The following IL34 variants were observed in gnomAD, a reference collection of about 807,000 sequenced individuals.
IL34 encodes the protein interleukin 34, also known as interleukin-34.
A neutral mutation model predicts 25.3 loss-of-function variants in IL34; 17 were observed. The observed-to-expected ratio is 0.67, with a 90% CI of 0.46 to 1.01. IL34 has a LOEUF of 1.01. Among genes scored for constraint, IL34 ranks in the 50% least tolerant of loss-of-function variants. The pLI is 0.00. For missense variants in IL34, 368 were observed against 312.9 expected, an observed-to-expected ratio of 1.18 and a Z score of -1.33; for synonymous variants, 174 against 140.9, an observed-to-expected ratio of 1.23 and a Z score of -1.66.
chr16:70,597,627 A>G (rs1191667328), intron 1 of IL34, among the ~76,000 whole-genome samples: 1 of 152,248 alleles, frequency 6.6e-6, no homozygotes, highest in African/African-American at 2.4e-5. Flanking sequence ...AAACATATGT[A>G]TCTCTTACAA....
intron 1 of IL34, among the ~76,000 whole-genome samples, chr16:70,614,600 T>A (rs1171633743): frequency 6.6e-6 from 1 of 152,250 alleles, no homozygotes; most frequent in African/African-American, 2.4e-5. Flanking sequence ...GTGCACACAC[T>A]TGCCTTTCAC....
intron 1 of IL34, among the ~76,000 whole-genome samples, chr16:70,628,439 C>G (rs149547498): frequency 1.5e-4 from 22 of 151,210 alleles, no homozygotes; most frequent in African/African-American, 4.1e-4. Flanking sequence ...TAAGTGGTCT[C>G]TTTTCTAACT....
chr16:70,625,826 G>C (rs576268414), intron 1 of IL34, among the ~76,000 whole-genome samples: 59 of 152,320 alleles, frequency 3.9e-4, no homozygotes, highest in African/African-American at 1.3e-3. Flanking sequence ...TTGAGGGATA[G>C]TGAGGGAGAT....
At chr16:70,621,070 A>G (rs879139861) in intron 1 of IL34, among the ~76,000 whole-genome samples, 1 of 152,082 alleles carries the variant, frequency 6.6e-6, no homozygotes, top group South Asian at 2.1e-4. Context: ...GAAATAAGCA[A>G]TTAGGGGGTT....
At chr16:70,643,621 G>A (rs910422224), upstream of IL34, among the ~76,000 whole-genome samples, 7 of 151,816 alleles carry the variant, frequency 4.6e-5, no homozygotes, top group South Asian at 4.2e-4. Flanking sequence ...GCGATCCCCC[G>A]GCCTTGGCCT....
At chr16:70,598,469 T>C (rs1296011404) in intron 1 of IL34, among the ~76,000 whole-genome samples, 1 of 152,124 alleles carries the variant, frequency 6.6e-6, no homozygotes, top group Admixed American at 6.6e-5. Flanking sequence ...CTGGGCGCAG[T>C]GGCTCACACC....
In IL34 at chr16:70,654,522, C is replaced by G. The variant is rs1228463397; in HGVS notation, c.29-16C>G. On this transcript the variant is annotated splice_polypyrimidine_tract_variant and intron_variant, in intron 1 of 5. Coordinates refer to ENST00000288098, the MANE Select transcript of IL34 (RefSeq NM_001393494.1). ...ATGGAGGGTGCTCATGTGCTCTTGT[C>G]GGGTGTGGTCCACAGATCTTGGGAT... 8 of 1,597,654 alleles carry G rather than the reference C, an allele frequency of 5.0e-6. No homozygotes were observed. Among genetic ancestry groups the G allele is most frequent in the South Asian group, 1.1e-5 (1 of 89,354 alleles).
intron 1 of IL34, among the ~76,000 whole-genome samples, chr16:70,587,895 G>A (rs184561439): frequency 2.6e-5 from 4 of 151,978 alleles, no homozygotes; most frequent in Admixed American, 1.3e-4. Flanking sequence ...AAAAATTAGC[G>A]GGCTGTGGTG....
intron 1 of IL34, among the ~76,000 whole-genome samples, chr16:70,636,192 C>A (rs551698055): frequency 1.8e-4 from 28 of 152,178 alleles, no homozygotes; most frequent in Non-Finnish European, 3.1e-4. Context: ...GTGTGTGCCA[C>A]CACGCCCAGC....
intron 1 of IL34, among the ~76,000 whole-genome samples, chr16:70,626,405 T>G (rs1215977189): frequency 6.6e-6 from 1 of 152,248 alleles, no homozygotes; most frequent in Non-Finnish European, 1.5e-5. Flanking sequence ...TTTTTGTTTT[T>G]GTTTTTTTGA....
At chr16:70,624,066 C>A (rs1291551485) in intron 1 of IL34, among the ~76,000 whole-genome samples, 1 of 152,076 alleles carries the variant, frequency 6.6e-6, no homozygotes, top group Non-Finnish European at 1.5e-5. Context: ...AGCCGCTAAG[C>A]CGAGAAGGAG....
At chr16:70,591,883 G>T (rs996889296) in intron 1 of IL34, among the ~76,000 whole-genome samples, 7 of 152,350 alleles carry the variant, frequency 4.6e-5, no homozygotes, top group Non-Finnish European at 5.9e-5. Flanking sequence ...CTGGGGCCAG[G>T]CTGGGGCCAA....
intron 1 of IL34, among the ~76,000 whole-genome samples, chr16:70,652,300 T>TA (rs951413465): frequency 8.8e-5 from 13 of 147,814 alleles, no homozygotes; most frequent in Admixed American, 1.4e-4. Flanking sequence ...TACAAAAAAT[T>TA]AAAAAAAAAA....
chr16:70,613,368 G>A (rs562204194), intron 1 of IL34, among the ~76,000 whole-genome samples: 7 of 152,288 alleles, frequency 4.6e-5, no homozygotes, highest in South Asian at 4.1e-4. Context: ...GGGTTGGAGC[G>A]GGGCGGTTTC....
At chr16:70,651,047 A>G (rs1458438987) in intron 1 of IL34, among the ~76,000 whole-genome samples, 1 of 152,100 alleles carries the variant, frequency 6.6e-6, no homozygotes, top group East Asian at 1.9e-4. Flanking sequence ...CGTCTCTACT[A>G]AAAATACAAA....
intron 1 of IL34, among the ~76,000 whole-genome samples, chr16:70,627,440 C>G (rs577368263): frequency 7.0e-6 from 1 of 143,324 alleles, no homozygotes; most frequent in East Asian, 2.0e-4. Context: ...TCCCCTCCCC[C>G]TCCGCTCCCC....
At position 70,630,537 on chromosome 16, in the gene IL34, C is replaced by A. The variant is rs144923928; in HGVS notation, c.-400-16011C>A. 5.9e-3 allele frequency among the ~76,000 whole-genome samples: 896 copies of A among 151,686 alleles called. 8 individuals are homozygous for A. The highest frequency in any genetic ancestry group is 0.017 in the Middle Eastern group (5 of 294). Reference sequence around the variant, plus strand: ...ATGAACCACTGCGCCTGGCCCCTCCCTTCCCCTCCTCTCCCCTCCCCTCTC... The same window carrying A: ...ATGAACCACTGCGCCTGGCCCCTCCATTCCCCTCCTCTCCCCTCCCCTCTC... On this transcript the variant is annotated intron_variant, in intron 1 of 6. Coordinates refer to the IL34 transcript ENST00000429149.
intron 1 of IL34, among the ~76,000 whole-genome samples, chr16:70,623,850 C>T (rs4985542): frequency 0.59 from 88,304 of 149,462 alleles, 28,918 homozygotes; most frequent in African/African-American, 0.88. Flanking sequence ...TTGGGGAGTT[C>T]TAAGAGGTTT....
chr16:70,646,977 T>A lies in IL34; in HGVS notation c.28+2T>A, dbSNP rs1393771672. On this transcript the variant is annotated splice_donor_variant, in intron 1 of 5. Transcript: ENST00000288098. LOFTEE classifies it high-confidence loss of function. Reference sequence around the variant, plus strand: ...CCCGGGGCTTCACCTGGCTGCGCTGTGAGTACTGGGGGGTCCCTAGGGACC... The same window carrying A: ...CCCGGGGCTTCACCTGGCTGCGCTGAGAGTACTGGGGGGTCCCTAGGGACC... 10 of 1,461,348 alleles carry A rather than the reference T, an allele frequency of 6.8e-6. No homozygotes were observed. The highest frequency in any genetic ancestry group is 9.0e-6 in the Non-Finnish European group (10 of 1,114,566). The allele number at this position is 1,461,348 out of a possible 1,614,324, so 90.5% of individuals were successfully genotyped here. A position where few individuals can be genotyped will look rare whatever the true frequency, so the allele number is the denominator to read the frequency against.
Sources: gnomAD v4.1 joint callset for allele counts (sites outside exome capture counted in the v4.1 genomes callset) on GRCh38, gnomAD v4.1.1 for gene constraint, MANE v1.5 for transcripts, NCBI Gene and HGNC (gene_info 2026-07-23, HGNC 2026-07-21) for gene names.